The following KLF16 variants were observed in gnomAD, a reference collection of about 807,000 sequenced individuals.
The protein encoded by KLF16 is KLF transcription factor 16.
Under a neutral mutation model 6.1 loss-of-function variants are expected in KLF16, and 6 were observed. The ratio of observed to expected loss-of-function variants is 0.98; its 90% CI spans 0.54 to 1.93. KLF16 has a LOEUF of 1.93. Ranked by LOEUF, KLF16 falls within the 30% of genes most tolerant of loss-of-function variation. The probability of loss-of-function intolerance (pLI) is 0.01; values close to 1 mark genes in which losing one functional copy is unlikely to be tolerated. For missense variants in KLF16, 355 were observed against 363.8 expected (o/e 0.98, Z 0.20); for synonymous variants, 211 against 176.5 (o/e 1.20, Z -1.55).
chr19:1,863,978 C>G (rs990316314), upstream of KLF16, among the ~76,000 whole-genome samples: 6 of 145,574 alleles, frequency 4.1e-5, no homozygotes, highest in African/African-American at 1.5e-4. Context: ...GGAGCACCAC[C>G]CCCTCAAGCC....
Position 1,857,847 on chromosome 19 carries a change from G to A in KLF16, c.458-3087C>T, listed in dbSNP as rs1178554149. Among the ~76,000 whole-genome samples the A allele has an allele frequency of 6.6e-6, 1 of 152,086 alleles. No homozygotes were observed. Among genetic ancestry groups the A allele is most frequent in the Non-Finnish European group, 1.5e-5 (1 of 67,980 alleles). Reference sequence around the variant, plus strand: ...GCCTCTTACCCACCCAGGGAAGGGAGGAGCTCCTGAAGGTGATCCTTGAGC... The same window carrying A: ...GCCTCTTACCCACCCAGGGAAGGGAAGAGCTCCTGAAGGTGATCCTTGAGC... On this transcript the variant is annotated intron_variant, in intron 1 of 1. Transcript: ENST00000250916. The surrounding 1 kb of genome is among the most constrained non-coding windows in gnomAD (Gnocchi z 4.7).
chr19:1,858,513 G>A (rs2145366266), intron 1 of KLF16, among the ~76,000 whole-genome samples: 1 of 152,306 alleles, frequency 6.6e-6, no homozygotes, highest in South Asian at 2.1e-4. Context: ...ATTGACGGCT[G>A]GGTCCCCGGC....
chr19:1,865,121 T>TGGA (rs2012165735), upstream of KLF16, among the ~76,000 whole-genome samples: 1 of 152,176 alleles, frequency 6.6e-6, no homozygotes. Flanking sequence ...GAGCCCTCCC[T>TGGA]GGGCCCCAGT....
chr19:1,868,783 C>T, the KLF16 span, among the ~76,000 whole-genome samples: 2 of 151,872 alleles, frequency 1.3e-5, no homozygotes, highest in South Asian at 2.1e-4. Context: ...GCCGCGATTA[C>T]AGGCATATAC....
chr19:1,875,293 G>A, the KLF16 span: 1 of 152,234 alleles, frequency 6.6e-6, no homozygotes, highest in Non-Finnish European at 1.5e-5. Flanking sequence ...AGGGGATAAA[G>A]TCTGGTGCTA....
chr19:1,864,962 G>A (rs1483834292), upstream of KLF16, among the ~76,000 whole-genome samples: 4 of 152,190 alleles, frequency 2.6e-5, no homozygotes, highest in African/African-American at 9.7e-5. Flanking sequence ...CTCTGGGTTG[G>A]GCATGGACAG....
At chr19:1,869,930 C>CTT in the KLF16 span, among the ~76,000 whole-genome samples, 94 of 109,714 alleles carry the variant, frequency 8.6e-4, 1 homozygote, top group Admixed American at 1.3e-3. Flanking sequence ...AATACTTTTT[C>CTT]TTTTTTTTTT....
chr19:1,854,788 G>A (rs1388269861), intron 1 of KLF16, 28 bp from the exon 2 acceptor site: 36 of 1,594,424 alleles, frequency 2.3e-5, no homozygotes, highest in Admixed American at 6.7e-5. Flanking sequence ...GACAGACAGC[G>A]GGTCAGCGGG....
chr19:1,869,852 A>G, the KLF16 span, among the ~76,000 whole-genome samples: 1 of 151,994 alleles, frequency 6.6e-6, no homozygotes, highest in Admixed American at 6.6e-5. Flanking sequence ...GGCTCAAACA[A>G]TCCTCCTGCT....
chr19:1,872,842 C>T, the KLF16 span, among the ~76,000 whole-genome samples: 4 of 150,822 alleles, frequency 2.7e-5, no homozygotes, highest in Non-Finnish European at 4.4e-5. Context: ...GGCCGGAGCC[C>T]GGAACCGGGA....
chr19:1,868,966 A>G, the KLF16 span, among the ~76,000 whole-genome samples: 1 of 152,120 alleles, frequency 6.6e-6, no homozygotes, highest in Non-Finnish European at 1.5e-5. Flanking sequence ...TTTACAGAAC[A>G]CTTGAGCAGG....
rs562225636 is a variant in KLF16 at position 1,861,035 on chromosome 19, ACAACTGCATCCACCCCTGGGGATGCC to A, written c.457+1980_457+2005del. Among the ~76,000 whole-genome samples the A allele has an allele frequency of 2.8e-3, 433 of 152,058 alleles. 1 individual carries two copies. The highest frequency in any genetic ancestry group is 3.5e-3 in the South Asian group (17 of 4,818). Reference sequence around the variant, plus strand: ...GGGTAGACGGTGGCGCGCCATCAGCACAACTGCATCCACCCCTGGGGATGCCCGACTGGGCACCCCCAGGCCTGTTT... The same window carrying A: ...GGGTAGACGGTGGCGCGCCATCAGCACGACTGGGCACCCCCAGGCCTGTTT... On this transcript the variant is annotated intron_variant, in intron 1 of 1. Transcript: ENST00000250916.
chr19:1,873,867 G>A, the KLF16 span, among the ~76,000 whole-genome samples: 1 of 152,276 alleles, frequency 6.6e-6, no homozygotes, highest in Non-Finnish European at 1.5e-5. Flanking sequence ...CCATGTGAGA[G>A]GGACAGGCAG....
chr19:1,871,441 G>A, the KLF16 span, among the ~76,000 whole-genome samples: 2 of 152,118 alleles, frequency 1.3e-5, no homozygotes, highest in African/African-American at 4.8e-5. Flanking sequence ...GACCTCTCCC[G>A]GTGATCCTGA....
the KLF16 span, among the ~76,000 whole-genome samples, chr19:1,872,720 G>T: frequency 3.9e-5 from 6 of 152,004 alleles, no homozygotes; most frequent in Non-Finnish European, 8.8e-5. Flanking sequence ...GGGAGACGCC[G>T]AGTGCCGAGG....
upstream of KLF16, among the ~76,000 whole-genome samples, chr19:1,867,146 A>C (rs1234807468): frequency 1.3e-5 from 2 of 152,216 alleles, no homozygotes; most frequent in African/African-American, 4.8e-5. Context: ...GGGGCCACGG[A>C]GCCAGGAACT....
At chr19:1,871,823 G>A in the KLF16 span, among the ~76,000 whole-genome samples, 19 of 152,086 alleles carry the variant, frequency 1.2e-4, no homozygotes, top group African/African-American at 4.1e-4. Flanking sequence ...CCTGCAGGGA[G>A]CATCTCTGGG....
chr19:1,864,096 C>A (rs973023858), upstream of KLF16, among the ~76,000 whole-genome samples: 2 of 146,988 alleles, frequency 1.4e-5, no homozygotes, highest in African/African-American at 5.0e-5. Context: ...CGCCCCGCCT[C>A]CTCGCTGGCG....
At chr19:1,874,987 C>G in the KLF16 span, 1 of 152,168 alleles carries the variant, frequency 6.6e-6, no homozygotes, top group Non-Finnish European at 1.5e-5. Flanking sequence ...AGGAACATCA[C>G]GACGTTCGAC....
Sources: gnomAD v4.1 joint callset for allele counts (sites outside exome capture counted in the v4.1 genomes callset) on GRCh38, gnomAD v4.1.1 for gene constraint, Gnocchi (gnomAD v3.1) non-coding constraint, MANE v1.5 for transcripts, NCBI Gene and HGNC (gene_info 2026-07-23, HGNC 2026-07-21) for gene names.